Variants in VWC2L observed in about 807,000 individuals in gnomAD.
VWC2L encodes von Willebrand factor C domain-containing protein 2-like.
Under a neutral mutation model 21.6 loss-of-function variants are expected in VWC2L, and 10 were observed. The observed-to-expected ratio is 0.46, with a 90% CI of 0.29 to 0.78. VWC2L has a LOEUF of 0.78. Among genes scored for constraint, VWC2L ranks in the 30% least tolerant of loss-of-function variants. VWC2L has a pLI of 0.10. For missense variants in VWC2L, 209 were observed against 277.1 expected (o/e 0.75, Z 1.74); for synonymous variants, 96 against 94.3 (o/e 1.02, Z -0.10).
At chr2:214,549,960 T>C (rs777437259) in intron 3 of VWC2L, among the ~76,000 whole-genome samples, 15 of 152,120 alleles carry the variant, frequency 9.9e-5, no homozygotes, top group South Asian at 2.1e-4. Context: ...AGATAAACAC[T>C]GAGCTGGATC....
intron 3 of VWC2L, among the ~76,000 whole-genome samples, chr2:214,541,789 T>C (rs1248488850): frequency 6.6e-6 from 1 of 152,178 alleles, no homozygotes; most frequent in Non-Finnish European, 1.5e-5. Context: ...GTTTATTTCA[T>C]AGTAATCAGA....
At chr2:214,436,172 G>C (rs1256574433) in intron 2 of VWC2L, 1 of 155,294 alleles carries the variant, frequency 6.4e-6, no homozygotes, top group African/African-American at 2.4e-5. Flanking sequence ...TTCATACAAA[G>C]GGTACAGATG....
At chr2:214,532,071 T>C (rs1559321229) in intron 3 of VWC2L, among the ~76,000 whole-genome samples, 1 of 152,126 alleles carries the variant, frequency 6.6e-6, no homozygotes, top group Admixed American at 6.5e-5. Context: ...ATTATAAATT[T>C]TGAGATCATG....
rs769545598 is a variant in VWC2L, at chr2:214,414,478, A to G, written c.285A>G (p.Pro95=). 15 of 1,613,406 alleles carry G rather than the reference A, an allele frequency of 9.3e-6. No homozygotes were observed. The Admixed American group carries it at 1.3e-4, about 14-fold the overall frequency. The part of the protein sequence containing the change: ...CDQPECPKIH[P]KCTKVEHNGC... ...AACCAGAATGCCCTAAAATTCACCC[A>G]AAGTGTACTAAAGTGGAACACAATG... The change falls in exon 2 of 4, where the codon CCA becomes CCG. Residue 95 remains proline (P), a synonymous_variant. Coordinates refer to ENST00000312504, the MANE Select transcript of VWC2L (RefSeq NM_001080500.4).
intron 3 of VWC2L, among the ~76,000 whole-genome samples, chr2:214,473,034 T>C (rs1703333217): frequency 1.3e-5 from 2 of 152,190 alleles, no homozygotes; most frequent in South Asian, 2.1e-4. Flanking sequence ...GAAATGTCTG[T>C]TTAGAATTAT....
chr2:214,460,062 C>A (rs1703116997), intron 3 of VWC2L, among the ~76,000 whole-genome samples: 1 of 151,986 alleles, frequency 6.6e-6, no homozygotes. Flanking sequence ...CACCTGCCAC[C>A]ATGCCCAGCT....
intron 3 of VWC2L, 48 bp from the exon 4 acceptor site, chr2:214,575,624 G>A (rs1342962051): frequency 1.3e-6 from 2 of 1,599,106 alleles, no homozygotes; most frequent in African/African-American, 2.7e-5. Context: ...GGGGAGAAAG[G>A]GAGCCTCTCA....
At chr2:214,449,910 G>A (rs1188209038) in intron 3 of VWC2L, among the ~76,000 whole-genome samples, 3 of 152,098 alleles carry the variant, frequency 2.0e-5, no homozygotes, top group African/African-American at 7.2e-5. Context: ...TTGCAGAAAG[G>A]TCCCTAATGC....
chr2:214,572,323 T>G (rs1486397060), intron 3 of VWC2L, among the ~76,000 whole-genome samples: 1 of 152,214 alleles, frequency 6.6e-6, no homozygotes, highest in Non-Finnish European at 1.5e-5. Flanking sequence ...TATTCCTCCA[T>G]CTTCTCTTTC....
At chr2:214,435,765 A>G (rs933991149) in intron 2 of VWC2L, among the ~76,000 whole-genome samples, 4 of 152,130 alleles carry the variant, frequency 2.6e-5, no homozygotes, top group African/African-American at 9.7e-5. Context: ...CTGTTCCATG[A>G]GAAAAGTAGA....
chr2:214,488,060 C>T (rs1688695598), intron 3 of VWC2L, among the ~76,000 whole-genome samples: 1 of 152,148 alleles, frequency 6.6e-6, no homozygotes, highest in African/African-American at 2.4e-5. Context: ...TTGTATTTTA[C>T]TCATCTTGGT....
chr2:214,471,086 T>A (rs915426557), intron 3 of VWC2L, among the ~76,000 whole-genome samples: 2 of 152,184 alleles, frequency 1.3e-5, no homozygotes, highest in Non-Finnish European at 2.9e-5. Context: ...TTTCAATGAT[T>A]TCTCAGTAAT....
At chr2:214,459,319 T>G (rs528240761) in intron 3 of VWC2L, among the ~76,000 whole-genome samples, 1 of 152,318 alleles carries the variant, frequency 6.6e-6, no homozygotes, top group South Asian at 2.1e-4. Context: ...GGGAAGTGGG[T>G]TTCTTTTAGG....
intron 3 of VWC2L, among the ~76,000 whole-genome samples, chr2:214,564,732 T>C (rs937809787): frequency 6.6e-6 from 1 of 152,230 alleles, no homozygotes; most frequent in Non-Finnish European, 1.5e-5. Flanking sequence ...CAACATTAAA[T>C]GTATGCATTG....
At chr2:214,456,292 GATGCTGATC>G (rs1474146237) in intron 3 of VWC2L, among the ~76,000 whole-genome samples, 3 of 152,068 alleles carry the variant, frequency 2.0e-5, no homozygotes, top group Non-Finnish European at 2.9e-5. Context: ...GATGATTAGT[GATGCTGATC>G]ATTTTTTATA....
intron 2 of VWC2L, among the ~76,000 whole-genome samples, chr2:214,429,332 C>G (rs1702568218): frequency 6.6e-6 from 1 of 152,100 alleles, no homozygotes; most frequent in African/African-American, 2.4e-5. Context: ...ACTGTCAATC[C>G]AGCTTGTCAG....
intron 3 of VWC2L, among the ~76,000 whole-genome samples, chr2:214,520,972 C>T (rs1207037247): frequency 1.3e-5 from 2 of 151,838 alleles, no homozygotes; most frequent in Non-Finnish European, 2.9e-5. Context: ...ACCTGTAATC[C>T]CAGCACTTTG....
At position 214,527,843 on chromosome 2, in the gene VWC2L, C is replaced by G. The variant is rs137949109; in HGVS notation, c.521-47829C>G. Among the ~76,000 whole-genome samples the G allele has an allele frequency of 2.5e-3, 380 of 152,244 alleles. 1 individual carries two copies. The highest frequency in any genetic ancestry group is 8.6e-3 in the African/African-American group (359 of 41,544). Reference sequence around the variant, plus strand: ...TTGTTCTCCATAGTTGTATCCATGGCATAAATGAAGTCTTCCATATCTGTT... The same window carrying G: ...TTGTTCTCCATAGTTGTATCCATGGGATAAATGAAGTCTTCCATATCTGTT... On this transcript the variant is annotated intron_variant, in intron 3 of 3. Transcript: ENST00000312504.
intron 3 of VWC2L, among the ~76,000 whole-genome samples, chr2:214,460,608 G>A (rs1423046291): frequency 6.6e-6 from 1 of 151,828 alleles, no homozygotes; most frequent in East Asian, 1.9e-4. Flanking sequence ...TTTTATTCCA[G>A]GATTCATTTG....
Sources: gnomAD v4.1 joint callset for allele counts (sites outside exome capture counted in the v4.1 genomes callset) on GRCh38, gnomAD v4.1.1 for gene constraint, MANE v1.5 for transcripts, NCBI Gene and HGNC (gene_info 2026-07-23, HGNC 2026-07-21) for gene names.